Variants in KLHL24 observed in about 807,000 individuals in gnomAD.
KLHL24 encodes kelch like family member 24, also known as kelch-like protein 24.
KLHL24 carries 29 observed loss-of-function variants against 53.4 expected under a neutral mutation model. The ratio of observed to expected loss-of-function variants is 0.54; its 90% CI spans 0.40 to 0.74. KLHL24 has a LOEUF of 0.74. Among genes scored for constraint, KLHL24 ranks in the 30% least tolerant of loss-of-function variants. The pLI, the probability that KLHL24 is intolerant of heterozygous loss-of-function variation, is 0.00. For synonymous variants in KLHL24, 222 were observed against 253.7 expected, an observed-to-expected ratio of 0.88 and a Z score of 1.19; for missense variants, 504 against 744.0, an observed-to-expected ratio of 0.68 and a Z score of 3.75.
intron 2 of KLHL24, among the ~76,000 whole-genome samples, chr3:183,646,413 C>G (rs529582927): frequency 1.3e-5 from 2 of 151,476 alleles, no homozygotes; most frequent in Non-Finnish European, 2.9e-5. Flanking sequence ...ACTCTCCACC[C>G]TAGTGATTTC....
intron 3 of KLHL24, among the ~76,000 whole-genome samples, chr3:183,660,286 A>T (rs1191745110): frequency 6.6e-6 from 1 of 152,056 alleles, no homozygotes; most frequent in Non-Finnish European, 1.5e-5. Flanking sequence ...GCACGCCACC[A>T]TGCCTGACTA....
intron 4 of KLHL24, 35 bp from the exon 5 acceptor site, chr3:183,664,886 T>C: frequency 7.9e-7 from 1 of 1,259,052 alleles, no homozygotes; most frequent in Non-Finnish European, 1.2e-6. Context: ...TATATCATGA[T>C]AAATTATCGT....
At position 183,650,297 on chromosome 3, in the gene KLHL24, C is replaced by T; in HGVS notation, c.-60C>T. The T allele has an allele frequency of 4.5e-6, 6 of 1,330,270 alleles. No homozygotes were observed. The highest frequency in any genetic ancestry group is 2.9e-5 in the South Asian group (2 of 69,308). 82.4% of individuals were successfully genotyped at this position (1,330,270 alleles called of 1,614,324 possible). ...ATGTTTTCCTTTTTTTACTTTTAGCCACATAAAGAAGATCCCTAATAGTCA... is the reference window on the plus strand; with the variant it reads ...ATGTTTTCCTTTTTTTACTTTTAGCTACATAAAGAAGATCCCTAATAGTCA... On this transcript the variant is annotated splice_region_variant and 5_prime_UTR_variant, in exon 3 of 8. Transcript: ENST00000242810. The surrounding 1 kb of genome is among the most constrained non-coding windows in gnomAD (Gnocchi z 4.5).
rs1712918469 is a variant in KLHL24, at chr3:183,683,694, A to T, written c.*4408A>T. 1.3e-5 allele frequency: 2 copies of T among 152,594 alleles called. No individual in the cohort carries two copies. Among genetic ancestry groups the T allele is most frequent in the African/African-American group, 4.8e-5 (2 of 41,442 alleles). 9.5% of individuals were successfully genotyped at this position (152,594 alleles called of 1,614,324 possible). On this transcript the variant is annotated 3_prime_UTR_variant, in exon 8 of 8. Coordinates refer to ENST00000242810, the MANE Select transcript of KLHL24 (RefSeq NM_017644.3). The stretch of plus-strand genomic sequence containing the variant: ...ATAAAAACAGCAACATTCATAACTT[A>T]TTTTATATATTGTTCCAAAGAAAAG...
chr3:183,674,245 T>TTCTC (rs1486864928), intron 7 of KLHL24, among the ~76,000 whole-genome samples: 1 of 88,250 alleles, frequency 1.1e-5, no homozygotes, highest in African/African-American at 4.8e-5. Flanking sequence ...AGCATCAATT[T>TTCTC]TCTTTCTTTC....
chr3:183,637,436 G>A (rs1470261582), intron 1 of KLHL24, among the ~76,000 whole-genome samples: 2 of 152,138 alleles, frequency 1.3e-5, no homozygotes, highest in Admixed American at 6.5e-5. Flanking sequence ...TTTAATTCCC[G>A]TGGTAATTCA....
intron 3 of KLHL24, among the ~76,000 whole-genome samples, chr3:183,651,871 C>A (rs926702670): frequency 2.0e-5 from 3 of 151,936 alleles, no homozygotes; most frequent in Non-Finnish European, 4.4e-5. Flanking sequence ...ACTGCTTGAG[C>A]CCAGGAGTTT....
intron 7 of KLHL24, among the ~76,000 whole-genome samples, chr3:183,677,049 A>C (rs1332318549): frequency 2.6e-5 from 4 of 152,184 alleles, no homozygotes; most frequent in African/African-American, 4.8e-5. Context: ...TTTTTCATAC[A>C]GTATAAACAA....
At chr3:183,646,272 G>T (rs1717222546) in intron 2 of KLHL24, among the ~76,000 whole-genome samples, 1 of 144,048 alleles carries the variant, frequency 6.9e-6, no homozygotes, top group Non-Finnish European at 1.5e-5. Context: ...TGAGGCAGGA[G>T]AATAGCTTGA....
chr3:183,635,751 C>G lies in KLHL24; in HGVS notation c.-167C>G, dbSNP rs1488770574. The G allele has an allele frequency of 6.6e-6, 1 of 152,472 alleles. No homozygotes were observed. Among genetic ancestry groups the G allele is most frequent in the Non-Finnish European group, 1.5e-5 (1 of 68,292 alleles). 9.4% of individuals were successfully genotyped at this position (152,472 alleles called of 1,614,324 possible). On this transcript the variant is annotated 5_prime_UTR_variant, in exon 1 of 8. Coordinates refer to ENST00000242810, the MANE Select transcript of KLHL24 (RefSeq NM_017644.3). ...TGCTTCCAGTGTTCGCCGAGAGGTA[C>G]CGGGGGTGACAGCTCCGGGACCGGC...
In KLHL24 at chr3:183,679,428, T is replaced by C. The variant is rs919393179; in HGVS notation, c.*142T>C. ...TAATTTGGTGCCTTTCTCCTCAAAA[T>C]ATCAATCTTTCAAACTATAATAAAG... On this transcript the variant is annotated 3_prime_UTR_variant, in exon 8 of 8. Transcript: ENST00000242810. 4.8e-6 allele frequency: 3 copies of C among 627,392 alleles called. No homozygotes were observed. Among genetic ancestry groups the C allele is most frequent in the Non-Finnish European group, 5.4e-6 (2 of 367,174 alleles). 38.9% of individuals were successfully genotyped at this position (627,392 alleles called of 1,614,324 possible).
chr3:183,672,402 C>G lies in KLHL24; in HGVS notation c.1520C>G (p.Ala507Gly). ...TCCCTAAACAACCTGATCTATGTTGCCGGTGGACTGACCAAGGCAATATAC... is the reference window on the plus strand; with the variant it reads ...TCCCTAAACAACCTGATCTATGTTGGCGGTGGACTGACCAAGGCAATATAC... The part of the protein sequence containing the change: ...AVSLNNLIYV[A>G]GGLTKAIYCY... Residue 507 changes from alanine (A) to glycine (G), a missense_variant, in exon 7 of 8, where the codon GCC becomes GGC. Coordinates refer to ENST00000242810, the MANE Select transcript of KLHL24 (RefSeq NM_017644.3). The G allele has an allele frequency of 6.2e-7, 1 of 1,613,660 alleles. No homozygotes were observed. Among genetic ancestry groups the G allele is most frequent in the Non-Finnish European group, 8.5e-7 (1 of 1,179,748 alleles).
chr3:183,662,246 C>T (rs912133339), intron 3 of KLHL24, among the ~76,000 whole-genome samples: 2 of 152,042 alleles, frequency 1.3e-5, no homozygotes, highest in Admixed American at 6.5e-5. Context: ...AGAATAGGTA[C>T]GTGATTTGGT....
At chr3:183,656,440 A>G (rs1718909265) in intron 3 of KLHL24, among the ~76,000 whole-genome samples, 1 of 152,204 alleles carries the variant, frequency 6.6e-6, no homozygotes, top group Admixed American at 6.5e-5. Context: ...TAATATTAGT[A>G]TGGAAAACAT....
At chr3:183,647,102 C>T (rs974006567) in intron 2 of KLHL24, among the ~76,000 whole-genome samples, 20 of 147,850 alleles carry the variant, frequency 1.4e-4, no homozygotes, top group Admixed American at 4.7e-4. Context: ...TCAGCCACCG[C>T]GCCCGGCCTT....
intron 3 of KLHL24, among the ~76,000 whole-genome samples, chr3:183,654,486 G>A (rs1259662906): frequency 6.6e-6 from 1 of 150,728 alleles, no homozygotes; most frequent in Non-Finnish European, 1.5e-5. Flanking sequence ...ATTTTTTATT[G>A]CATGTATATA....
chr3:183,666,179 C>T (rs1344383757), intron 5 of KLHL24, among the ~76,000 whole-genome samples: 1 of 152,178 alleles, frequency 6.6e-6, no homozygotes, highest in Non-Finnish European at 1.5e-5. Context: ...CCGCACCTAG[C>T]CAGTTTCCAA....
At chr3:183,661,355 A>G (rs1470053952) in intron 3 of KLHL24, among the ~76,000 whole-genome samples, 1 of 152,140 alleles carries the variant, frequency 6.6e-6, no homozygotes, top group African/African-American at 2.4e-5. Context: ...CTTTCCTGCC[A>G]TTTTGTTTTA....
At position 183,663,365 on chromosome 3, in the gene KLHL24, T is replaced by C. The variant is rs764498803; in HGVS notation, c.921-93T>C. The C allele has an allele frequency of 5.2e-6, 3 of 575,286 alleles. No homozygotes were observed. The highest frequency in any genetic ancestry group is 1.9e-5 in the African/African-American group (1 of 51,606). The allele number at this position is 575,286 out of a possible 1,614,324, so 35.6% of individuals were successfully genotyped here. A position where few individuals can be genotyped will look rare whatever the true frequency, so the allele number is the denominator to read the frequency against. ...AAACTTAACTGTTTATAATAGTGCG[T>C]GGTTTGTTTTTAGAGTTTTAAGAAA... On this transcript the variant is annotated intron_variant, in intron 3 of 7. Transcript: ENST00000242810. This position sits in a 1 kb window ranked among gnomAD's most constrained non-coding sequence, Gnocchi z 4.9.
Sources: gnomAD v4.1 joint callset for allele counts (sites outside exome capture counted in the v4.1 genomes callset) on GRCh38, gnomAD v4.1.1 for gene constraint, Gnocchi (gnomAD v3.1) non-coding constraint, MANE v1.5 for transcripts, NCBI Gene and HGNC (gene_info 2026-07-23, HGNC 2026-07-21) for gene names.